The following NLGN4X variants were observed in gnomAD, a reference collection of about 807,000 sequenced individuals.
NLGN4X encodes neuroligin 4 X-linked, also known as neuroligin-4, X-linked.
NLGN4X carries 3 observed loss-of-function variants against 40.3 expected under a neutral mutation model. The observed-to-expected ratio is 0.07, with a 90% CI of 0.03 to 0.19. The LOEUF is 0.19. NLGN4X is among the 10% of genes least tolerant of loss of function. The pLI is 1.00. For synonymous variants in NLGN4X, 270 were observed against 306.8 expected (o/e 0.88, Z 1.25); for missense variants, 382 against 708.3 (o/e 0.54, Z 5.23).
In NLGN4X at chrX:5,947,738, G is replaced by A. The variant is rs140614293; in HGVS notation, c.626-38499C>T. Among the ~76,000 whole-genome samples the A allele has an allele frequency of 8.1e-3, 901 of 111,684 alleles. 5 individuals are homozygous for A. Among genetic ancestry groups the A allele is most frequent in the African/African-American group, 0.028 (873 of 30,778 alleles). ...TTTCTGATGGAGCTGTCATTTTCCC[G>A]ACATGGCTGGCATTTCTGTGAGATG... On this transcript the variant is annotated intron_variant, in intron 3 of 5. Coordinates refer to ENST00000381095, the MANE Select transcript of NLGN4X (RefSeq NM_181332.3).
intron 1 of NLGN4X, among the ~76,000 whole-genome samples, chrX:6,161,465 TAAA>T (rs1320270935): frequency 9.9e-6 from 1 of 100,669 alleles, no homozygotes; most frequent in Non-Finnish European, 2.0e-5. Context: ...TAAAATATAA[TAAA>T]AAACATATAA....
chrX:5,975,632 A>C (rs1004346920), intron 3 of NLGN4X, among the ~76,000 whole-genome samples: 2 of 106,599 alleles, frequency 1.9e-5, no homozygotes, highest in Non-Finnish European at 3.9e-5. Flanking sequence ...AAAAAAAAGC[A>C]GTTTAAAAAA....
chrX:5,902,771 A>G (rs1281954462), intron 5 of NLGN4X, among the ~76,000 whole-genome samples: 1 of 112,679 alleles, frequency 8.9e-6, no homozygotes, highest in East Asian at 2.8e-4. Context: ...CTGCACCTGC[A>G]GGTAGGAACT....
Position 6,083,484 on chromosome X carries a change from T to G in NLGN4X, c.473-54052A>C, listed in dbSNP as rs796852280. On this transcript the variant is annotated intron_variant, in intron 2 of 5. Coordinates refer to ENST00000381095, the MANE Select transcript of NLGN4X (RefSeq NM_181332.3). ...ACTAAGAAAGATTGGAATGCATCAC[T>G]TAGCCACTGAAAGCCATCAGATGTG... 4.5e-5 allele frequency among the ~76,000 whole-genome samples: 5 copies of G among 112,162 alleles called. No individual in the cohort carries two copies. In the East Asian group the frequency reaches 1.1e-3, roughly 25 times the overall value.
At chrX:6,084,673 G>T (rs2038453858) in intron 2 of NLGN4X, among the ~76,000 whole-genome samples, 1 of 111,055 alleles carries the variant, frequency 9.0e-6, no homozygotes, top group African/African-American at 3.3e-5. Flanking sequence ...AGACAGTGTT[G>T]CAGGAGAGGG....
chrX:6,212,677 T>C (rs976734920), intron 1 of NLGN4X, among the ~76,000 whole-genome samples: 6 of 112,143 alleles, frequency 5.4e-5, no homozygotes, highest in African/African-American at 1.9e-4. Flanking sequence ...GCTGTAATGT[T>C]TGCCCATCCA....
intron 2 of NLGN4X, among the ~76,000 whole-genome samples, chrX:6,050,802 T>TCTAA (rs1364479182): frequency 9.0e-6 from 1 of 111,185 alleles, no homozygotes; most frequent in Non-Finnish European, 1.9e-5. Context: ...TATCTATCTA[T>TCTAA]CTATCTAACT....
chrX:5,941,180 GGTGTGTGTGTGTGTGTGTGT>G (rs3220455), intron 3 of NLGN4X, among the ~76,000 whole-genome samples: 4 of 58,625 alleles, frequency 6.8e-5, no homozygotes, highest in Admixed American at 2.1e-4. Flanking sequence ...TATGCTAGGG[GGTGTGTGTGTGTGTGTGTGT>G]GTGTGTGTGT....
intron 3 of NLGN4X, among the ~76,000 whole-genome samples, chrX:5,958,752 C>A (rs1462455148): frequency 9.0e-6 from 1 of 111,683 alleles, no homozygotes; most frequent in Admixed American, 9.6e-5. Flanking sequence ...ACAGCAAACA[C>A]AAGCAGCATT....
intron 2 of NLGN4X, among the ~76,000 whole-genome samples, chrX:6,095,102 C>CGTGTGT (rs56285921): frequency 3.4e-5 from 3 of 88,341 alleles, no homozygotes; most frequent in African/African-American, 8.3e-5. Flanking sequence ...TACGTGCGTG[C>CGTGTGT]GTGTGTGTGT....
intron 2 of NLGN4X, among the ~76,000 whole-genome samples, chrX:6,088,023 A>T (rs1278875156): frequency 9.0e-6 from 1 of 111,503 alleles, no homozygotes; most frequent in Non-Finnish European, 1.9e-5. Context: ...ACGATTTTCT[A>T]CCTAACATGT....
At chrX:6,118,322 T>A (rs1250742778) in intron 2 of NLGN4X, among the ~76,000 whole-genome samples, 1 of 111,469 alleles carries the variant, frequency 9.0e-6, no homozygotes, top group Non-Finnish European at 1.9e-5. Flanking sequence ...TGTACCCAGC[T>A]GTCTCTAAGA....
intron 3 of NLGN4X, among the ~76,000 whole-genome samples, chrX:6,013,118 G>A (rs2036297648): frequency 9.0e-6 from 1 of 111,378 alleles, no homozygotes; most frequent in African/African-American, 3.3e-5. Flanking sequence ...CTACTGTTTT[G>A]CTTTTATAAT....
chrX:6,102,731 GAT>G (rs941835319), intron 2 of NLGN4X, among the ~76,000 whole-genome samples: 2 of 110,020 alleles, frequency 1.8e-5, no homozygotes, highest in South Asian at 3.9e-4. Flanking sequence ...AAGATAGATC[GAT>G]ATATATATAG....
intron 3 of NLGN4X, among the ~76,000 whole-genome samples, chrX:5,954,434 T>C (rs1012988176): frequency 2.1e-5 from 2 of 96,092 alleles, no homozygotes; most frequent in Admixed American, 1.2e-4. Flanking sequence ...GAGGTCTCAC[T>C]ATGTTGCCCA....
intron 2 of NLGN4X, among the ~76,000 whole-genome samples, chrX:6,076,574 A>G (rs1247383349): frequency 8.9e-6 from 1 of 112,313 alleles, no homozygotes; most frequent in South Asian, 3.8e-4. Flanking sequence ...TTAGCAGCTA[A>G]GTAAGAGCAA....
intron 3 of NLGN4X, among the ~76,000 whole-genome samples, chrX:5,957,726 A>G (rs1197706185): frequency 9.0e-6 from 1 of 111,657 alleles, no homozygotes; most frequent in African/African-American, 3.3e-5. Context: ...TAAGGAACTC[A>G]CCAATTATGC....
chrX:6,073,223 C>A (rs1485287623), intron 2 of NLGN4X, among the ~76,000 whole-genome samples: 1 of 111,863 alleles, frequency 8.9e-6, no homozygotes, highest in South Asian at 3.7e-4. Flanking sequence ...TTCTCCAGGA[C>A]TTAATGATAT....
At chrX:6,228,382 T>C (rs182275822) in intron 1 of NLGN4X, among the ~76,000 whole-genome samples, 159 bp downstream of exon 1, 127 of 111,958 alleles carry the variant, frequency 1.1e-3, no homozygotes, top group African/African-American at 4.0e-3. Flanking sequence ...TTTCCAAAAA[T>C]AATATTAATA....
Sources: allele counts gnomAD v4.1 joint callset (sites outside exome capture counted in the v4.1 genomes callset), GRCh38; gene constraint gnomAD v4.1.1; transcripts MANE v1.5; gene names NCBI Gene and HGNC (gene_info 2026-07-23, HGNC 2026-07-21).